CCDC88A: variants seen among roughly 807,000 people sequenced by gnomAD.
CCDC88A encodes the protein coiled-coil and HOOK domain protein 88A, also known as girdin.
In CCDC88A, 54 loss-of-function variants were observed where a neutral mutation model predicts 234.3. The ratio of observed to expected loss-of-function variants is 0.23; its 90% CI spans 0.19 to 0.29. The LOEUF is 0.29. Among genes scored for constraint, CCDC88A ranks in the 10% least tolerant of loss-of-function variants. The pLI, the probability that CCDC88A is intolerant of heterozygous loss-of-function variation, is 1.00. For missense variants in CCDC88A, 1,832 were observed against 2,123.4 expected, an observed-to-expected ratio of 0.86 and a Z score of 2.70; for synonymous variants, 753 against 737.8, an observed-to-expected ratio of 1.02 and a Z score of -0.33.
intron 2 of CCDC88A, chr2:55,394,284 G>A (rs1041065410): frequency 6.6e-6 from 1 of 152,148 alleles, no homozygotes; most frequent in African/African-American, 2.4e-5. Context: ...TGGCTGCATA[G>A]TATTCCATGG....
At chr2:55,387,779 CAAAAAAAAAAAAAAAAAAAAGAAAAAG>C (rs1295078772) in intron 3 of CCDC88A, among the ~76,000 whole-genome samples, 27 of 64,852 alleles carry the variant, frequency 4.2e-4, no homozygotes, top group Admixed American at 4.1e-4. Context: ...GGCTCCATCT[CAAAAAAAAAAAAAAAAAAAAGAAAAAG>C]AAAAAAGAAA....
At chr2:55,358,582 C>T (rs1038931128) in intron 7 of CCDC88A, among the ~76,000 whole-genome samples, 4 of 152,150 alleles carry the variant, frequency 2.6e-5, no homozygotes, top group Admixed American at 2.6e-4. Context: ...CAACTGCAAA[C>T]TGCTATCATT....
At chr2:55,410,769 A>C (rs1025082277) in intron 2 of CCDC88A, among the ~76,000 whole-genome samples, 21 of 152,028 alleles carry the variant, frequency 1.4e-4, no homozygotes, top group African/African-American at 4.8e-4. Flanking sequence ...TGGGCATGGT[A>C]GTAGTCCTAG....
rs1680056175 is a variant in CCDC88A, at chr2:55,296,588, T to C, written c.4826-65A>G. ...ATTGAGATTAATACTTCATGAGTAA[T>C]AACATTTGTTGACTGTGTGCTAATT... is the stretch of plus-strand genomic sequence containing the variant. On this transcript the variant is annotated intron_variant, in intron 29 of 32. Transcript: ENST00000436346. 8.2e-6 allele frequency: 12 copies of C among 1,470,448 alleles called. 1 individual carries two copies. The highest frequency in any genetic ancestry group is 1.3e-5 in the South Asian group (1 of 78,174). 91.1% of individuals were successfully genotyped at this position (1,470,448 alleles called of 1,614,324 possible). A position where few individuals can be genotyped will look rare whatever the true frequency, so the allele number is the denominator to read the frequency against.
At chr2:55,373,585 A>C (rs1490534019) in intron 4 of CCDC88A, among the ~76,000 whole-genome samples, 2 of 152,200 alleles carry the variant, frequency 1.3e-5, no homozygotes, top group African/African-American at 4.8e-5. Context: ...ATCCTTCACC[A>C]AACCATAAGA....
intron 17 of CCDC88A, among the ~76,000 whole-genome samples, chr2:55,324,574 T>A (rs375877366): frequency 6.6e-6 from 1 of 152,226 alleles, no homozygotes; most frequent in South Asian, 2.1e-4. Context: ...TGATGATGAA[T>A]GAAGTTGTTA....
intron 2 of CCDC88A, among the ~76,000 whole-genome samples, chr2:55,410,489 A>T (rs1220061420): frequency 1.3e-5 from 2 of 152,240 alleles, no homozygotes; most frequent in African/African-American, 4.8e-5. Context: ...ATTTAGGCCT[A>T]TTGTGGTAAA....
chr2:55,409,547 T>C (rs183483253), intron 2 of CCDC88A, among the ~76,000 whole-genome samples: 5 of 152,170 alleles, frequency 3.3e-5, no homozygotes, highest in Non-Finnish European at 5.9e-5. Flanking sequence ...TATTACACAG[T>C]AAGTACTTAG....
intron 3 of CCDC88A, among the ~76,000 whole-genome samples, chr2:55,375,469 C>CTATATACATATA: frequency 3.8e-5 from 1 of 26,612 alleles, no homozygotes; most frequent in East Asian, 8.3e-4. Flanking sequence ...TGTCACTGTA[C>CTATATACATATA]TATATATATA....
At chr2:55,397,653 G>C (rs1415815307) in intron 2 of CCDC88A, among the ~76,000 whole-genome samples, 1 of 151,910 alleles carries the variant, frequency 6.6e-6, no homozygotes, top group Non-Finnish European at 1.5e-5. Context: ...CCCTGACAGA[G>C]TTGTTGTCAA....
chr2:55,311,991 A>G (rs781366903), intron 23 of CCDC88A, among the ~76,000 whole-genome samples: 10 of 152,140 alleles, frequency 6.6e-5, no homozygotes, highest in Non-Finnish European at 1.3e-4. Context: ...CCACACCACA[A>G]CATACTTTCA....
At chr2:55,416,427 AATAAATAAATAAATAAATATATAT>A (rs1402770884) in intron 2 of CCDC88A, among the ~76,000 whole-genome samples, 485 of 43,758 alleles carry the variant, frequency 0.011, 57 homozygotes, top group Middle Eastern at 0.054. Flanking sequence ...GAAGAGGTCA[AATAAATAAATAAATAAATATATAT>A]ATATATATAT....
At chr2:55,404,384 A>T (rs1679208263) in intron 2 of CCDC88A, 1 of 152,196 alleles carries the variant, frequency 6.6e-6, no homozygotes, top group South Asian at 2.1e-4. Flanking sequence ...AGAGTAGAAT[A>T]AGATTACCAC....
intron 29 of CCDC88A, among the ~76,000 whole-genome samples, 198 bp downstream of exon 29, chr2:55,299,641 A>T (rs1041174335): frequency 2.0e-5 from 3 of 152,236 alleles, no homozygotes; most frequent in African/African-American, 7.2e-5. Flanking sequence ...GAAACTAAAT[A>T]ACTGCTCCTG....
rs1467087122 is a variant in CCDC88A, at chr2:55,334,565, T to C, written c.2256A>G (p.Glu752=). Residue 752 remains glutamate, a synonymous_variant, in exon 15 of 33, where the codon GAA becomes GAG. Coordinates refer to ENST00000436346, the MANE Select transcript of CCDC88A (RefSeq NM_001365480.1). This position sits in a 1 kb window ranked among gnomAD's most constrained non-coding sequence, Gnocchi z 6.1. The stretch of plus-strand genomic sequence containing the variant: ...AACCCTGGTAGCTAACTTCTAAGCG[T>C]TCTGTTTTCTTGAAAGATGCTTTCA... The part of the protein sequence containing the change: ...ELLKASFKKT[E]RLEVSYQGLD... 5 of 1,612,890 alleles carry C rather than the reference T, an allele frequency of 3.1e-6. No homozygotes were observed. Among genetic ancestry groups the C allele is most frequent in the African/African-American group, 1.3e-5 (1 of 74,902 alleles).
chr2:55,372,736 G>A (rs1304455566), intron 4 of CCDC88A, among the ~76,000 whole-genome samples: 1 of 152,132 alleles, frequency 6.6e-6, no homozygotes, highest in Non-Finnish European at 1.5e-5. Flanking sequence ...GGATAAAGAG[G>A]TTTCAAGGCT....
At chr2:55,403,019 AC>A (rs1004846562) in intron 2 of CCDC88A, among the ~76,000 whole-genome samples, 1 of 152,026 alleles carries the variant, frequency 6.6e-6, no homozygotes, top group African/African-American at 2.4e-5. Flanking sequence ...AAAAAAAAAA[AC>A]CACATTCATT....
At chr2:55,412,272 A>G (rs1680632539) in intron 2 of CCDC88A, among the ~76,000 whole-genome samples, 1 of 152,238 alleles carries the variant, frequency 6.6e-6, no homozygotes, top group Admixed American at 6.5e-5. Context: ...CTTCCGAATC[A>G]TAAGGAAGAA....
chr2:55,393,695 A>G (rs1012350727), intron 2 of CCDC88A, among the ~76,000 whole-genome samples: 20 of 152,164 alleles, frequency 1.3e-4, no homozygotes, highest in Non-Finnish European at 2.9e-4. Context: ...AAAAAAAATC[A>G]CACCATCAGT....
Sources: allele counts gnomAD v4.1 joint callset (sites outside exome capture counted in the v4.1 genomes callset), GRCh38; gene constraint gnomAD v4.1.1; non-coding constraint Gnocchi (gnomAD v3.1); transcripts MANE v1.5; gene names NCBI Gene and HGNC (gene_info 2026-07-23, HGNC 2026-07-21).